Variants in IQCM observed in about 807,000 individuals in gnomAD.
IQCM encodes IQ motif containing M.
A neutral mutation model predicts 57.6 loss-of-function variants in IQCM; 45 were observed. That is an observed-to-expected ratio of 0.78 (90% CI 0.62 to 1.00). The LOEUF (loss-of-function observed/expected upper bound fraction) is 1.00. Ranked by LOEUF, IQCM falls within the 50% of genes least tolerant of loss-of-function variation. The pLI, the probability that IQCM is intolerant of heterozygous loss-of-function variation, is 0.00. For missense variants in IQCM, 468 were observed against 511.6 expected, an observed-to-expected ratio of 0.91 and a Z score of 0.82; for synonymous variants, 148 against 158.9, an observed-to-expected ratio of 0.93 and a Z score of 0.51.
chr4:149,790,230 A>G, intron 2 of IQCM: 1 of 291,176 alleles, frequency 3.4e-6, no homozygotes, highest in East Asian at 6.7e-5. Flanking sequence ...AACAATAATG[A>G]TGCATCTGTG....
intron 2 of IQCM, among the ~76,000 whole-genome samples, chr4:149,770,835 T>G (rs962842211): frequency 6.6e-6 from 1 of 152,026 alleles, no homozygotes; most frequent in Non-Finnish European, 1.5e-5. Context: ...AAATTAACAG[T>G]GTAAGACTGA....
At chr4:149,649,770 T>C (rs945138446) in intron 7 of IQCM, among the ~76,000 whole-genome samples, 1 of 152,118 alleles carries the variant, frequency 6.6e-6, no homozygotes, top group East Asian at 1.9e-4. Context: ...GTCCATAAAA[T>C]AGATAGCTAG....
chr4:149,746,612 C>A (rs183936241), intron 2 of IQCM, among the ~76,000 whole-genome samples: 2 of 152,306 alleles, frequency 1.3e-5, no homozygotes, highest in Admixed American at 1.3e-4. Context: ...GGGTGATAAG[C>A]ATAGTACTGC....
intron 5 of IQCM, among the ~76,000 whole-genome samples, chr4:149,687,109 CCTT>C (rs1762596009): frequency 6.6e-6 from 1 of 151,546 alleles, no homozygotes; most frequent in South Asian, 2.1e-4. Context: ...CTATTGAGCA[CCTT>C]CTAGCTACTA....
intron 12 of IQCM, among the ~76,000 whole-genome samples, chr4:149,542,633 A>G (rs953997805): frequency 2.0e-5 from 3 of 152,094 alleles, no homozygotes; most frequent in Non-Finnish European, 1.5e-5. Flanking sequence ...ATATGGGTAG[A>G]AACCAACTGA....
chr4:149,657,018 T>A lies in IQCM; in HGVS notation c.565+25100A>T, dbSNP rs1441399035. Among the ~76,000 whole-genome samples the A allele has an allele frequency of 2.6e-5, 4 of 152,240 alleles. No individual in the cohort carries two copies. In the East Asian group the frequency reaches 7.8e-4, roughly 30 times the overall value. Reference sequence around the variant, plus strand: ...CAACATTTATGGCATACAAGAACATTCAAAATCCTCTCTTCTAGCTATTTT... The same window carrying A: ...CAACATTTATGGCATACAAGAACATACAAAATCCTCTCTTCTAGCTATTTT... On this transcript the variant is annotated intron_variant, in intron 7 of 13. Coordinates refer to ENST00000636793, the MANE Select transcript of IQCM (RefSeq NM_001363507.2).
At chr4:149,667,655 C>A (rs1387585121) in intron 7 of IQCM, among the ~76,000 whole-genome samples, 1 of 151,892 alleles carries the variant, frequency 6.6e-6, no homozygotes, top group East Asian at 2.0e-4. Flanking sequence ...CATGTTCTAA[C>A]CCAATGCAAG....
chr4:149,638,591 C>A (rs1004240863), intron 7 of IQCM, among the ~76,000 whole-genome samples: 70 of 152,026 alleles, frequency 4.6e-4, no homozygotes, highest in African/African-American at 1.7e-3. Context: ...CTGATATATG[C>A]AAAAACATGG....
intron 9 of IQCM, among the ~76,000 whole-genome samples, chr4:149,581,272 T>C (rs556882388): frequency 1.3e-5 from 2 of 151,092 alleles, no homozygotes; most frequent in East Asian, 3.9e-4. Context: ...CATATATATA[T>C]ATATACATAC....
intron 2 of IQCM, among the ~76,000 whole-genome samples, chr4:149,756,757 G>C (rs956666483): frequency 6.6e-6 from 1 of 152,162 alleles, no homozygotes; most frequent in Non-Finnish European, 1.5e-5. Context: ...GGCACAAAAA[G>C]GAGGAGTTAG....
chr4:149,369,924 C>G (rs1454726602), intron 13 of IQCM, among the ~76,000 whole-genome samples: 2 of 152,144 alleles, frequency 1.3e-5, no homozygotes, highest in African/African-American at 4.8e-5. Flanking sequence ...GAGACAAGGT[C>G]TCACTCAGTC....
At chr4:149,549,932 A>G (rs1366627489) in intron 11 of IQCM, among the ~76,000 whole-genome samples, 2 of 152,268 alleles carry the variant, frequency 1.3e-5, no homozygotes, top group Middle Eastern at 3.2e-3. Flanking sequence ...CAGCAGTAAA[A>G]TAAATGAAAA....
At chr4:149,475,309 AT>A (rs1740061507) in intron 12 of IQCM, among the ~76,000 whole-genome samples, 2 of 152,180 alleles carry the variant, frequency 1.3e-5, no homozygotes, top group Admixed American at 1.3e-4. Flanking sequence ...CAGATTCCAG[AT>A]TTTGAAGCAA....
chr4:149,565,858 T>C (rs1750578148), intron 9 of IQCM, among the ~76,000 whole-genome samples: 1 of 152,224 alleles, frequency 6.6e-6, no homozygotes, highest in African/African-American at 2.4e-5. Context: ...AATATTCTTA[T>C]AACTGTAGCT....
Position 149,376,128 on chromosome 4 carries a change from T to G in IQCM, c.1391-24062A>C, listed in dbSNP as rs990502394. On this transcript the variant is annotated intron_variant, in intron 13 of 13. Transcript: ENST00000636793. ...TTATAGAAATATTCCTACCCCACAC[T>G]TAATAATGTTTTCATACATTTTGAT... Among the ~76,000 whole-genome samples the G allele has an allele frequency of 5.9e-5, 9 of 152,294 alleles. No individual in the cohort carries two copies. The South Asian group carries it at 1.2e-3, about 21-fold the overall frequency.
At chr4:149,787,726 A>G (rs1772202041) in intron 2 of IQCM, among the ~76,000 whole-genome samples, 1 of 152,216 alleles carries the variant, frequency 6.6e-6, no homozygotes, top group South Asian at 2.1e-4. Context: ...ACCTGAAACT[A>G]TAAAACTAGA....
chr4:149,610,818 T>A (rs1183629627), intron 8 of IQCM, among the ~76,000 whole-genome samples: 3 of 152,084 alleles, frequency 2.0e-5, no homozygotes, highest in Non-Finnish European at 4.4e-5. Flanking sequence ...GGCAAAGATT[T>A]CTTGAATAAG....
chr4:149,671,709 T>C (rs938846222), intron 7 of IQCM, among the ~76,000 whole-genome samples: 1 of 152,158 alleles, frequency 6.6e-6, no homozygotes, highest in Admixed American at 6.5e-5. Flanking sequence ...AAGAACATCT[T>C]TATTTCTGCC....
At chr4:149,789,682 G>A (rs1395069264) in intron 2 of IQCM, among the ~76,000 whole-genome samples, 1 of 152,138 alleles carries the variant, frequency 6.6e-6, no homozygotes, top group Non-Finnish European at 1.5e-5. Flanking sequence ...AAGGAGTTGG[G>A]AGGATTGTTG....
Sources: allele counts gnomAD v4.1 joint callset (sites outside exome capture counted in the v4.1 genomes callset), GRCh38; gene constraint gnomAD v4.1.1; transcripts MANE v1.5; gene names NCBI Gene and HGNC (gene_info 2026-07-23, HGNC 2026-07-21).